XDH: variants seen among roughly 807,000 people sequenced by gnomAD.
XDH encodes xanthine dehydrogenase.
XDH carries 138 observed loss-of-function variants against 156.1 expected under a neutral mutation model. The ratio of observed to expected loss-of-function variants is 0.88; its 90% CI spans 0.77 to 1.02. The LOEUF (loss-of-function observed/expected upper bound fraction) is 1.02. XDH is among the 50% of genes least tolerant of loss of function. The pLI, the probability that XDH is intolerant of heterozygous loss-of-function variation, is 0.00. For synonymous variants in XDH, 669 were observed against 625.7 expected, an observed-to-expected ratio of 1.07 and a Z score of -1.03; for missense variants, 1,849 against 1,684.9, an observed-to-expected ratio of 1.10 and a Z score of -1.71.
At position 31,380,123 on chromosome 2, in the gene XDH, A is replaced by T. The variant is rs1572548198; in HGVS notation, c.1133-147T>A. The T allele has an allele frequency of 1.0e-5, 8 of 775,822 alleles. No homozygotes were observed. In the East Asian group the frequency reaches 2.1e-4, roughly 21 times the overall value. The allele number at this position is 775,822 out of a possible 1,614,324, so 48.1% of individuals were successfully genotyped here. On this transcript the variant is annotated intron_variant, in intron 12 of 35. Coordinates refer to ENST00000379416, the MANE Select transcript of XDH (RefSeq NM_000379.4). ...AAATGACTGGCACAATTGGGGCCAA[A>T]TCCTCTCTCTGAAATCCTTAAGCAT...
intron 1 of XDH, among the ~76,000 whole-genome samples, chr2:31,412,597 G>A (rs1161686013): frequency 6.6e-6 from 1 of 152,022 alleles, no homozygotes; most frequent in Non-Finnish European, 1.5e-5. Context: ...AAGCCTGCAC[G>A]TTGTCCACAT....
At chr2:31,377,269 A>T (rs2148776299) in intron 13 of XDH, 32 bp from the exon 14 acceptor site, 1 of 1,613,276 alleles carries the variant, frequency 6.2e-7, no homozygotes, top group East Asian at 2.2e-5. Context: ...CCTGTTTTCC[A>T]CCTTGCTCTG....
In XDH at chr2:31,345,831, C is replaced by T. The variant is rs1227081202; in HGVS notation, c.3351+938G>A. Among the ~76,000 whole-genome samples, 8 of 152,148 alleles carry T rather than the reference C, an allele frequency of 5.3e-5. 1 individual carries two copies. The highest frequency in any genetic ancestry group is 8.8e-5 in the Non-Finnish European group (6 of 68,022). ...ACATGGCTGGTGGTTGAAGACAAAG[C>T]TCAGATCCACAGGTCAGATGATAGA... On this transcript the variant is annotated intron_variant, in intron 30 of 35. Transcript: ENST00000379416.
intron 11 of XDH, 90 bp from the exon 12 acceptor site, chr2:31,381,816 C>T (rs1178260003): frequency 1.6e-6 from 2 of 1,215,498 alleles, no homozygotes; most frequent in African/African-American, 3.0e-5. Flanking sequence ...CCAGGTGACA[C>T]CTGCTGCAGG....
In XDH at chr2:31,346,855, AC is replaced by A. The variant is rs752820043; in HGVS notation, c.3277-13del. 2.6e-5 allele frequency: 42 copies of A among 1,612,840 alleles called. No individual in the cohort carries two copies. In the South Asian group the frequency reaches 4.3e-4, roughly 16 times the overall value. On this transcript the variant is annotated splice_polypyrimidine_tract_variant and intron_variant, in intron 29 of 35. Transcript: ENST00000379416. ...GTCTGACAAGCCGCCTAAAGTAAAC[AC>A]CCCCCACACCCCAGACACATCAGTC...
rs371280381 is a variant in XDH at position 31,337,673 on chromosome 2, G to A, written c.3919C>T (p.Arg1307Cys). ...LDSPATPEKI[R>C]NACVDKFTTL... ...GTGAACTTGTCCACGCAGGCATTGC[G>A]GATCTTCTCCGGGGTGGCAGGGCTG... is the stretch of plus-strand genomic sequence containing the variant. Residue 1307 changes from arginine (R) to cysteine (C), a missense_variant, in exon 35 of 36, where the codon CGC becomes TGC. Physicochemically the swap from Arg to Cys is radical, Grantham distance 180. Transcript: ENST00000379416. 8.1e-6 allele frequency: 13 copies of A among 1,614,088 alleles called. No homozygotes were observed. The highest frequency in any genetic ancestry group is 5.3e-5 in the African/African-American group (4 of 74,936).
chr2:31,398,358 G>A (rs979370483), intron 5 of XDH, among the ~76,000 whole-genome samples: 2 of 152,188 alleles, frequency 1.3e-5, no homozygotes, highest in Non-Finnish European at 2.9e-5. Flanking sequence ...TGGACACAAA[G>A]GCAGGAGACC....
chr2:31,392,430 T>C (rs1686792798), intron 6 of XDH, among the ~76,000 whole-genome samples: 1 of 151,806 alleles, frequency 6.6e-6, no homozygotes, highest in African/African-American at 2.4e-5. Context: ...TTTATTTATT[T>C]ATTTATTTAT....
chr2:31,404,420 C>T (rs1254988140), intron 2 of XDH, among the ~76,000 whole-genome samples: 1 of 152,112 alleles, frequency 6.6e-6, no homozygotes, highest in Non-Finnish European at 1.5e-5. Flanking sequence ...GGAGTTTTCT[C>T]CCCCATCTGG....
intron 18 of XDH, among the ~76,000 whole-genome samples, chr2:31,369,802 C>T (rs1436251916): frequency 6.6e-6 from 1 of 152,238 alleles, no homozygotes; most frequent in African/African-American, 2.4e-5. Flanking sequence ...CAGAAGTACC[C>T]ACTCATGTCT....
At chr2:31,336,521 G>T (rs1285581742) in intron 35 of XDH, among the ~76,000 whole-genome samples, 1 of 152,014 alleles carries the variant, frequency 6.6e-6, no homozygotes, top group East Asian at 2.0e-4. Flanking sequence ...TTGGGTGATT[G>T]TCAGCATTGG....
In XDH at chr2:31,368,069, A is replaced by C; in HGVS notation, c.2101-12T>G. 6.2e-7 allele frequency: 1 copy of C among 1,613,638 alleles called. No homozygotes were observed. Among genetic ancestry groups the C allele is most frequent in the East Asian group, 2.2e-5 (1 of 44,882 alleles). On this transcript the variant is annotated splice_polypyrimidine_tract_variant and intron_variant, in intron 19 of 35. Transcript: ENST00000379416. ...TTCTTTATAGCATCCTGAGGATCAC[A>C]AAGAAGTTTCAGAAATGTGGCTTTT... is the stretch of plus-strand genomic sequence containing the variant.
intron 3 of XDH, among the ~76,000 whole-genome samples, chr2:31,402,246 C>G (rs768910591): frequency 2.4e-4 from 36 of 152,126 alleles, no homozygotes; most frequent in Non-Finnish European, 4.9e-4. Context: ...TGGGATAGAC[C>G]AAGTAAGGCA....
At chr2:31,366,739 G>T in intron 21 of XDH, 131 bp downstream of exon 21, 1 of 1,419,038 alleles carries the variant, frequency 7.0e-7, no homozygotes, top group Non-Finnish European at 9.9e-7. Context: ...CTGGCTCCAG[G>T]ACTATGACAC....
intron 6 of XDH, among the ~76,000 whole-genome samples, chr2:31,394,145 C>T (rs1482842338): frequency 6.6e-6 from 1 of 152,070 alleles, no homozygotes; most frequent in Non-Finnish European, 1.5e-5. Context: ...TTATGTAGAT[C>T]TGAGTTTCTG....
chr2:31,370,242 C>T (rs1686036229), intron 18 of XDH, 113 bp downstream of exon 18: 1 of 1,272,534 alleles, frequency 7.9e-7, no homozygotes, highest in Admixed American at 1.9e-5. Context: ...GGATGATGGC[C>T]ATAATCCATG....
At chr2:31,384,510 A>T (rs1412725200) in intron 9 of XDH, 1 of 155,590 alleles carries the variant, frequency 6.4e-6, no homozygotes, top group Non-Finnish European at 1.4e-5. Context: ...GCGGGGCCAC[A>T]CATCTGTGTG....
At chr2:31,364,864 C>T (rs1685866823) in intron 23 of XDH, among the ~76,000 whole-genome samples, 1 of 152,146 alleles carries the variant, frequency 6.6e-6, no homozygotes, top group African/African-American at 2.4e-5. Flanking sequence ...ATGTTCAAGG[C>T]CAATTCATGG....
In XDH at chr2:31,343,333, T is replaced by A. The variant is rs1288133944; in HGVS notation, c.3405-1036A>T. On this transcript the variant is annotated intron_variant, in intron 31 of 35. Coordinates refer to ENST00000379416, the MANE Select transcript of XDH (RefSeq NM_000379.4). ...ATATATATATATATATATATGCATG[T>A]TTATACATATATATGCCTTATACAT... Among the ~76,000 whole-genome samples, 5 of 143,636 alleles carry A rather than the reference T, an allele frequency of 3.5e-5. No homozygotes were observed. In the East Asian group the frequency reaches 1.0e-3, roughly 29 times the overall value. 94.2% of individuals were successfully genotyped at this position (143,636 alleles called of 152,430 possible). A position where few individuals can be genotyped will look rare whatever the true frequency, so the allele number is the denominator to read the frequency against.
Sources: gnomAD v4.1 joint callset for allele counts (sites outside exome capture counted in the v4.1 genomes callset) on GRCh38, gnomAD v4.1.1 for gene constraint, MANE v1.5 for transcripts, NCBI Gene and HGNC (gene_info 2026-07-23, HGNC 2026-07-21) for gene names.